ROBO1: variants seen among roughly 807,000 people sequenced by gnomAD.
ROBO1 encodes roundabout guidance receptor 1.
Under a neutral mutation model 195.9 loss-of-function variants are expected in ROBO1, and 149 were observed. The observed-to-expected ratio is 0.76, with a 90% CI of 0.67 to 0.87. The LOEUF (loss-of-function observed/expected upper bound fraction) is 0.87. Ranked by LOEUF, ROBO1 falls within the 40% of genes least tolerant of loss-of-function variation. ROBO1 has a pLI of 0.00. For missense variants in ROBO1, 1,933 were observed against 2,068.3 expected, an observed-to-expected ratio of 0.93 and a Z score of 1.27; for synonymous variants, 816 against 733.2, an observed-to-expected ratio of 1.11 and a Z score of -1.82.
intron 3 of ROBO1, among the ~76,000 whole-genome samples, chr3:79,094,708 T>C (rs751300213): frequency 2.5e-4 from 38 of 152,142 alleles, no homozygotes; most frequent in Non-Finnish European, 4.3e-4. Flanking sequence ...AAACAAATTA[T>C]GAAAACCACA....
At chr3:78,972,834 A>G (rs1004869680) in intron 3 of ROBO1, among the ~76,000 whole-genome samples, 1 of 152,202 alleles carries the variant, frequency 6.6e-6, no homozygotes, top group Non-Finnish European at 1.5e-5. Context: ...ACCAGAATAC[A>G]CAGATGACTA....
intron 3 of ROBO1, among the ~76,000 whole-genome samples, chr3:78,979,369 C>T (rs61586777): frequency 0.027 from 4,090 of 152,248 alleles, 114 homozygotes; most frequent in African/African-American, 0.058. Context: ...CTCTTCCTGC[C>T]GTTACAACCC....
At chr3:79,630,609 A>G (rs1945309597) in intron 1 of ROBO1, among the ~76,000 whole-genome samples, 1 of 152,028 alleles carries the variant, frequency 6.6e-6, no homozygotes, top group East Asian at 1.9e-4. Flanking sequence ...CAACACTTCT[A>G]TCCAACACAG....
intron 4 of ROBO1, among the ~76,000 whole-genome samples, chr3:78,793,596 G>A (rs2084091446): frequency 6.6e-6 from 1 of 152,108 alleles, no homozygotes; most frequent in Non-Finnish European, 1.5e-5. Flanking sequence ...TCTTCCCTCT[G>A]CCCTGAGTGA....
At chr3:79,500,854 C>G (rs1183794396) in intron 2 of ROBO1, among the ~76,000 whole-genome samples, 1 of 152,130 alleles carries the variant, frequency 6.6e-6, no homozygotes, top group East Asian at 1.9e-4. Context: ...GGGGACCTAG[C>G]AACACAATAA....
chr3:78,846,749 G>A (rs778556718), intron 4 of ROBO1, among the ~76,000 whole-genome samples: 3 of 152,038 alleles, frequency 2.0e-5, no homozygotes, highest in Non-Finnish European at 4.4e-5. Flanking sequence ...CTGACATTAT[G>A]CTGTTATTAC....
chr3:78,784,344 AAGTT>A (rs1425888904), intron 4 of ROBO1, among the ~76,000 whole-genome samples: 11 of 152,304 alleles, frequency 7.2e-5, no homozygotes, highest in East Asian at 1.9e-4. Flanking sequence ...ACTTAATAGA[AAGTT>A]AGTCATGAGG....
chr3:79,051,658 T>A (rs2078701525), intron 3 of ROBO1, among the ~76,000 whole-genome samples: 1 of 152,038 alleles, frequency 6.6e-6, no homozygotes, highest in Non-Finnish European at 1.5e-5. Context: ...AAAATCCTCA[T>A]AAAATGTTGC....
At chr3:79,179,050 C>A (rs1207303377) in intron 2 of ROBO1, among the ~76,000 whole-genome samples, 1 of 152,164 alleles carries the variant, frequency 6.6e-6, no homozygotes, top group Admixed American at 6.5e-5. Context: ...TTATCTCAGC[C>A]TGACTCAGTG....
intron 3 of ROBO1, among the ~76,000 whole-genome samples, chr3:79,079,564 CA>C (rs1255975595): frequency 6.6e-6 from 1 of 151,686 alleles, no homozygotes; most frequent in Admixed American, 6.6e-5. Flanking sequence ...GAACAAAATT[CA>C]TCAATAATTT....
intron 2 of ROBO1, among the ~76,000 whole-genome samples, chr3:79,433,238 T>C (rs1310728852): frequency 6.6e-6 from 1 of 152,114 alleles, no homozygotes; most frequent in Non-Finnish European, 1.5e-5. Flanking sequence ...TGTCCATATG[T>C]TCTCATCATT....
chr3:78,978,474 G>A (rs138199591), intron 3 of ROBO1, among the ~76,000 whole-genome samples: 56 of 152,060 alleles, frequency 3.7e-4, no homozygotes, highest in African/African-American at 1.2e-3. Context: ...CTTATTGAAC[G>A]CCAGGCACCA....
intron 10 of ROBO1, among the ~76,000 whole-genome samples, chr3:78,677,428 C>T (rs1192544130): frequency 6.6e-6 from 1 of 152,032 alleles, no homozygotes; most frequent in East Asian, 1.9e-4. Context: ...TCAGGAAACC[C>T]ATCTCACATG....
chr3:78,901,283 A>C (rs868667534), intron 4 of ROBO1, among the ~76,000 whole-genome samples: 4 of 152,230 alleles, frequency 2.6e-5, no homozygotes, highest in African/African-American at 9.6e-5. Context: ...AATATTAGGA[A>C]GCTAATTGAC....
intron 8 of ROBO1, among the ~76,000 whole-genome samples, chr3:78,689,556 G>A (rs1009227445): frequency 2.0e-5 from 3 of 151,662 alleles, no homozygotes; most frequent in Non-Finnish European, 4.4e-5. Context: ...TTTTTGGGCT[G>A]AGCTTTGTGC....
chr3:79,168,060 G>A (rs2108684219), intron 2 of ROBO1, among the ~76,000 whole-genome samples: 1 of 152,110 alleles, frequency 6.6e-6, no homozygotes, highest in African/African-American at 2.4e-5. Context: ...GCTATTTTGG[G>A]GAATGTATAC....
chr3:79,588,335 A>G (rs1464174423), intron 2 of ROBO1, among the ~76,000 whole-genome samples: 1 of 151,666 alleles, frequency 6.6e-6, no homozygotes, highest in African/African-American at 2.4e-5. Flanking sequence ...ATATATATTC[A>G]TACATGCATT....
chr3:78,808,114 G>A (rs2084607221), intron 4 of ROBO1, among the ~76,000 whole-genome samples: 2 of 152,104 alleles, frequency 1.3e-5, no homozygotes, highest in African/African-American at 2.4e-5. Flanking sequence ...TATTTCATAG[G>A]CTATTATCTC....
chr3:79,749,962 G>T (rs765039916), intron 1 of ROBO1, among the ~76,000 whole-genome samples: 109 of 152,186 alleles, frequency 7.2e-4, no homozygotes, highest in Non-Finnish European at 1.0e-3. Flanking sequence ...ATCCCAGAAT[G>T]GTAGATCCAC....
Sources: gnomAD v4.1 joint callset for allele counts (sites outside exome capture counted in the v4.1 genomes callset) on GRCh38, gnomAD v4.1.1 for gene constraint, MANE v1.5 for transcripts, NCBI Gene and HGNC (gene_info 2026-07-23, HGNC 2026-07-21) for gene names.